CDK14: variants seen among roughly 807,000 people sequenced by gnomAD.
CDK14 encodes cyclin-dependent kinase 14.
A neutral mutation model predicts 60.7 loss-of-function variants in CDK14; 34 were observed. That is an observed-to-expected ratio of 0.56 (90% CI 0.43 to 0.75). The LOEUF is 0.75. Ranked by LOEUF, CDK14 falls within the 30% of genes least tolerant of loss-of-function variation. CDK14 has a pLI of 0.00. For missense variants in CDK14, 482 were observed against 564.1 expected (o/e 0.85, Z 1.47); for synonymous variants, 197 against 203.7 (o/e 0.97, Z 0.28).
At chr7:90,718,295 T>C (rs1023955013) in intron 2 of CDK14, among the ~76,000 whole-genome samples, 2 of 152,108 alleles carry the variant, frequency 1.3e-5, no homozygotes, top group African/African-American at 4.8e-5. Context: ...ATACATGGTA[T>C]GTACCTGTCT....
chr7:90,857,115 G>GAA (rs5885747), intron 5 of CDK14, among the ~76,000 whole-genome samples: 4,772 of 146,956 alleles, frequency 0.032, 224 homozygotes, highest in African/African-American at 0.1. Context: ...AATGGTTTTG[G>GAA]AAAAAAAAAA....
At chr7:90,822,213 C>T (rs372657220) in intron 5 of CDK14, among the ~76,000 whole-genome samples, 1 of 152,140 alleles carries the variant, frequency 6.6e-6, no homozygotes, top group East Asian at 1.9e-4. Context: ...GACTGCTTTA[C>T]TCCTTGATTA....
chr7:90,849,293 C>T (rs1790567177), intron 5 of CDK14, among the ~76,000 whole-genome samples: 1 of 150,772 alleles, frequency 6.6e-6, no homozygotes, highest in Non-Finnish European at 1.5e-5. Flanking sequence ...CCTGCCATGA[C>T]AGAAATCTTC....
intron 2 of CDK14, among the ~76,000 whole-genome samples, chr7:90,661,241 T>A (rs1190025509): frequency 6.6e-6 from 1 of 152,198 alleles, no homozygotes; most frequent in Non-Finnish European, 1.5e-5. Context: ...ACAAAACATC[T>A]TTTGCAAAAT....
intron 8 of CDK14, among the ~76,000 whole-genome samples, chr7:90,942,234 G>A (rs3757819): frequency 0.089 from 13,506 of 152,084 alleles, 748 homozygotes; most frequent in East Asian, 0.18. Context: ...TGGAATTCAG[G>A]CCCTACAACC....
intron 10 of CDK14, among the ~76,000 whole-genome samples, chr7:91,013,225 C>T (rs914958150): frequency 2.0e-5 from 3 of 152,200 alleles, no homozygotes; most frequent in African/African-American, 4.8e-5. Flanking sequence ...TTCCTGCCCA[C>T]GGCCTCCCTT....
intron 5 of CDK14, among the ~76,000 whole-genome samples, chr7:90,799,532 A>G (rs1441099954): frequency 1.3e-5 from 2 of 151,986 alleles, no homozygotes; most frequent in African/African-American, 2.4e-5. Flanking sequence ...TACTAAAAAT[A>G]CAAAAAAATT....
At chr7:90,775,430 C>T (rs1013253587) in intron 4 of CDK14, among the ~76,000 whole-genome samples, 2 of 133,296 alleles carry the variant, frequency 1.5e-5, no homozygotes, top group African/African-American at 5.6e-5. Flanking sequence ...TTCTGCTTTT[C>T]TAAAACAGTT....
At chr7:90,941,636 T>A (rs1415388509) in intron 8 of CDK14, among the ~76,000 whole-genome samples, 1 of 151,492 alleles carries the variant, frequency 6.6e-6, no homozygotes, top group Non-Finnish European at 1.5e-5. Flanking sequence ...TAATTTTTTG[T>A]AGACATGACA....
intron 2 of CDK14, among the ~76,000 whole-genome samples, chr7:90,643,715 G>A (rs4728909): frequency 0.85 from 129,648 of 152,216 alleles, 55,325 homozygotes; most frequent in East Asian, 1. Flanking sequence ...TTTATTTACT[G>A]TCTTCTCAGG....
intron 11 of CDK14, among the ~76,000 whole-genome samples, chr7:91,074,843 A>G (rs555105738): frequency 6.6e-6 from 1 of 152,366 alleles, no homozygotes; most frequent in East Asian, 1.9e-4. Context: ...ACAAACTACC[A>G]TCAGAGAATA....
chr7:90,970,173 C>T (rs1258790067), intron 9 of CDK14, among the ~76,000 whole-genome samples: 1 of 152,038 alleles, frequency 6.6e-6, no homozygotes, highest in Admixed American at 6.6e-5. Flanking sequence ...ACCATGTTGG[C>T]CAGGCTGGTG....
At chr7:90,724,579 C>T (rs954252087) in intron 2 of CDK14, among the ~76,000 whole-genome samples, 3 of 151,642 alleles carry the variant, frequency 2.0e-5, no homozygotes, top group Non-Finnish European at 4.4e-5. Flanking sequence ...TACAAATTTT[C>T]CTACAGCTAA....
At chr7:91,069,465 C>T (rs946419988) in intron 11 of CDK14, among the ~76,000 whole-genome samples, 2 of 151,926 alleles carry the variant, frequency 1.3e-5, no homozygotes, top group African/African-American at 4.8e-5. Flanking sequence ...CCCTTGAGCC[C>T]AAGAATTCAA....
At chr7:91,172,599 G>T (rs1172339087) in intron 14 of CDK14, among the ~76,000 whole-genome samples, 3 of 152,138 alleles carry the variant, frequency 2.0e-5, no homozygotes, top group Admixed American at 1.3e-4. Context: ...AAATAATTCA[G>T]AGGGCTGCAT....
chr7:91,079,189 T>A (rs971228712), intron 11 of CDK14, among the ~76,000 whole-genome samples: 2 of 152,222 alleles, frequency 1.3e-5, no homozygotes, highest in African/African-American at 4.8e-5. Context: ...GAAATAGTTA[T>A]TAGGAAGCCA....
chr7:90,855,506 T>C (rs961323013), intron 5 of CDK14, among the ~76,000 whole-genome samples: 1 of 152,198 alleles, frequency 6.6e-6, no homozygotes, highest in Non-Finnish European at 1.5e-5. Flanking sequence ...CAGAAAGATA[T>C]ATGTAGGATA....
chr7:90,862,441 T>C (rs1017682874), intron 5 of CDK14, among the ~76,000 whole-genome samples: 4 of 152,062 alleles, frequency 2.6e-5, no homozygotes, highest in Non-Finnish European at 5.9e-5. Flanking sequence ...GATAAAACGG[T>C]CAATTCTCAA....
At chr7:90,941,330 C>G (rs1793925922) in intron 8 of CDK14, among the ~76,000 whole-genome samples, 2 of 152,206 alleles carry the variant, frequency 1.3e-5, no homozygotes, top group Admixed American at 6.5e-5. Flanking sequence ...CACCCTGTCT[C>G]AAAACGTGAG....
Sources: gnomAD v4.1 joint callset for allele counts (sites outside exome capture counted in the v4.1 genomes callset) on GRCh38, gnomAD v4.1.1 for gene constraint, MANE v1.5 for transcripts, NCBI Gene and HGNC (gene_info 2026-07-23, HGNC 2026-07-21) for gene names.